The following CHD6 variants were observed in gnomAD, a reference collection of about 807,000 sequenced individuals.
The protein encoded by CHD6 is chromodomain helicase DNA binding protein 6, also known as ATP-dependent chromatin remodeler CHD6.
A neutral mutation model predicts 276.9 loss-of-function variants in CHD6; 50 were observed. The ratio of observed to expected loss-of-function variants is 0.18; its 90% CI spans 0.14 to 0.23. CHD6 has a LOEUF of 0.23. Ranked by LOEUF, CHD6 falls within the 10% of genes least tolerant of loss-of-function variation. CHD6 has a pLI of 1.00. For missense variants in CHD6, 2,564 were observed against 3,365.8 expected (o/e 0.76, Z 5.89); for synonymous variants, 1,173 against 1,229.3 (o/e 0.95, Z 0.96).
At chr20:41,440,930 T>C (rs1032648461) in intron 25 of CHD6, among the ~76,000 whole-genome samples, 22 of 152,158 alleles carry the variant, frequency 1.4e-4, no homozygotes, top group African/African-American at 5.3e-4. Context: ...CTGTGTTTGG[T>C]ATTTCATTTC....
chr20:41,564,997 A>G (rs951395783), intron 1 of CHD6, among the ~76,000 whole-genome samples: 2 of 152,224 alleles, frequency 1.3e-5, no homozygotes, highest in African/African-American at 4.8e-5. Context: ...GGGGTCCAAG[A>G]AGACCAGTGA....
At chr20:41,412,323 G>A (rs1254273450) in intron 35 of CHD6, 60 bp from the exon 36 acceptor site, 1 of 1,581,254 alleles carries the variant, frequency 6.3e-7, no homozygotes, top group East Asian at 2.2e-5. Context: ...TTCTGATGAG[G>A]CTGATGCTTT....
chr20:41,491,810 C>G lies in CHD6; in HGVS notation c.1324G>C (p.Ala442Pro), dbSNP rs1277039651. The G allele has an allele frequency of 6.2e-7, 1 of 1,613,852 alleles. No homozygotes were observed. ...LPEIKHVERP[A>P]SDSWQKLEKS... ...TCAAGTTTCTGCCAGGAGTCTGAAG[C>G]AGGCCGCTCCTAGGGAGGAAAGCAA... Residue 442 changes from alanine to proline, a missense_variant, in exon 11 of 37, where the codon GCT becomes CCT. By Grantham distance (27) the Ala-to-Pro change is conservative (BLOSUM62 -1). Transcript: ENST00000373233.
intron 1 of CHD6, among the ~76,000 whole-genome samples, chr20:41,587,044 C>T (rs1458219027): frequency 6.6e-6 from 1 of 152,068 alleles, no homozygotes; most frequent in Non-Finnish European, 1.5e-5. Context: ...TTGCACTTGA[C>T]ATAACTAATC....
At chr20:41,497,731 T>C (rs1601011062) in intron 7 of CHD6, 1 of 541,986 alleles carries the variant, frequency 1.8e-6, no homozygotes. Context: ...CTAGAGAAAC[T>C]GGCTGAGAAC....
intron 1 of CHD6, among the ~76,000 whole-genome samples, chr20:41,604,827 C>T (rs1226528713): frequency 1.3e-5 from 2 of 152,202 alleles, no homozygotes; most frequent in Admixed American, 6.5e-5. Flanking sequence ...TTCTGGAATC[C>T]TCGGACTACC....
chr20:41,512,400 G>A (rs1450786240), intron 5 of CHD6, among the ~76,000 whole-genome samples: 1 of 151,968 alleles, frequency 6.6e-6, no homozygotes, highest in Non-Finnish European at 1.5e-5. Flanking sequence ...GGGATGAGGG[G>A]CAGGAATCTA....
At chr20:41,444,448 T>A (rs1218427556) in intron 25 of CHD6, among the ~76,000 whole-genome samples, 1 of 152,196 alleles carries the variant, frequency 6.6e-6, no homozygotes, top group Non-Finnish European at 1.5e-5. Context: ...TTGCATGTAG[T>A]TCTACCGGAC....
Position 41,487,746 on chromosome 20 carries a change from C to T in CHD6, c.1920G>A (p.Leu640=). The T allele has an allele frequency of 6.2e-7, 1 of 1,611,762 alleles. No homozygotes were observed. The change falls in exon 14 of 37, where the codon TTG becomes TTA. Residue 640 remains leucine, a synonymous_variant. Transcript: ENST00000373233. ...LQNSVEELFS[L]LNFLEPSQFP... ...ACTGTGATGGCTCCAGAAAATTTAA[C>T]AAACTGAAGAGCTCCTCCACAGAGT...
At chr20:41,563,635 A>G (rs2045325561) in intron 1 of CHD6, among the ~76,000 whole-genome samples, 1 of 152,236 alleles carries the variant, frequency 6.6e-6, no homozygotes, top group Non-Finnish European at 1.5e-5. Context: ...ATAAAAATCA[A>G]TTAGCTTGAT....
chr20:41,585,905 T>C (rs899109483), intron 1 of CHD6, among the ~76,000 whole-genome samples: 1 of 152,152 alleles, frequency 6.6e-6, no homozygotes, highest in Non-Finnish European at 1.5e-5. Flanking sequence ...CGACTAAGAA[T>C]TCCTAAGCCT....
At chr20:41,536,875 C>T (rs888635587) in intron 2 of CHD6, among the ~76,000 whole-genome samples, 40 of 152,190 alleles carry the variant, frequency 2.6e-4, no homozygotes, top group African/African-American at 9.6e-4. Context: ...GAGAGAGAGC[C>T]TTTCACTCTT....
chr20:41,588,177 T>G (rs1376253418), intron 1 of CHD6, among the ~76,000 whole-genome samples: 1 of 151,812 alleles, frequency 6.6e-6, no homozygotes, highest in Non-Finnish European at 1.5e-5. Context: ...GCCCCTGGAG[T>G]TGTCCTGGAT....
chr20:41,606,838 T>C (rs1473775399), intron 1 of CHD6, among the ~76,000 whole-genome samples: 6 of 152,218 alleles, frequency 3.9e-5, no homozygotes, highest in South Asian at 2.1e-4. Flanking sequence ...CTTCAGAAAA[T>C]CTGATTTTAC....
chr20:41,547,747 T>C lies in CHD6; in HGVS notation c.33+3558A>G, dbSNP rs115812986. Reference sequence around the variant, plus strand: ...AGTGGAATTATCACTTTTGATGAGATTGTCAACACTGCTCGACAGATGCAG... The same window carrying C: ...AGTGGAATTATCACTTTTGATGAGACTGTCAACACTGCTCGACAGATGCAG... On this transcript the variant is annotated intron_variant, in intron 2 of 36. Coordinates refer to ENST00000373233, the MANE Select transcript of CHD6 (RefSeq NM_032221.5). 2.3e-3 allele frequency: 1,256 copies of C among 550,092 alleles called. 7 individuals carry two copies. The highest frequency in any genetic ancestry group is 0.02 in the East Asian group (414 of 20,756). 34.1% of individuals were successfully genotyped at this position (550,092 alleles called of 1,614,324 possible).
chr20:41,568,774 C>T (rs551324248), intron 1 of CHD6, among the ~76,000 whole-genome samples: 2 of 152,180 alleles, frequency 1.3e-5, no homozygotes, highest in Non-Finnish European at 2.9e-5. Flanking sequence ...ATGCTAAAAC[C>T]TACTTCCACA....
intron 2 of CHD6, among the ~76,000 whole-genome samples, chr20:41,550,025 T>C (rs2045120763): frequency 6.6e-6 from 1 of 152,202 alleles, no homozygotes; most frequent in African/African-American, 2.4e-5. Context: ...GGTCTCAAAC[T>C]CCTGACCTCA....
chr20:41,518,971 A>G (rs1443735901), intron 3 of CHD6, among the ~76,000 whole-genome samples: 2 of 152,188 alleles, frequency 1.3e-5, no homozygotes, highest in East Asian at 3.8e-4. Flanking sequence ...TGCTCCTTGA[A>G]GTTCCAGGTT....
At chr20:41,431,048 T>C (rs1390384697) in intron 27 of CHD6, among the ~76,000 whole-genome samples, 1 of 152,094 alleles carries the variant, frequency 6.6e-6, no homozygotes, top group Non-Finnish European at 1.5e-5. Flanking sequence ...TTGACCAGGC[T>C]GGTCTCGAAC....
Sources: allele counts gnomAD v4.1 joint callset (sites outside exome capture counted in the v4.1 genomes callset), GRCh38; gene constraint gnomAD v4.1.1; transcripts MANE v1.5; gene names NCBI Gene and HGNC (gene_info 2026-07-23, HGNC 2026-07-21).